Variants in RASSF6 observed in about 807,000 individuals in gnomAD.
The protein encoded by RASSF6 is ras association domain-containing protein 6.
RASSF6 carries 52 observed loss-of-function variants against 44.0 expected under a neutral mutation model. The observed-to-expected ratio is 1.18, with a 90% confidence interval of 0.95 to 1.49. The LOEUF is 1.49. Ranked by LOEUF, RASSF6 falls within the 40% of genes most tolerant of loss-of-function variation. The pLI, the probability that RASSF6 is intolerant of heterozygous loss-of-function variation, is 0.00. For synonymous variants in RASSF6, 162 were observed against 124.6 expected (o/e 1.30, Z -2.00); for missense variants, 464 against 393.3 (o/e 1.18, Z -1.52).
intron 1 of RASSF6, among the ~76,000 whole-genome samples, chr4:73,612,124 A>G (rs1726055936): frequency 6.6e-6 from 1 of 152,202 alleles, no homozygotes. Context: ...ATAAGGGAGC[A>G]TATTCCTTCT....
At chr4:73,604,884 C>CTTTTTTTTTTTTTTTTTTTTTTTTTTTTT (rs35609056) in intron 2 of RASSF6, among the ~76,000 whole-genome samples, 1 of 138,332 alleles carries the variant, frequency 7.2e-6, no homozygotes. Context: ...CATTTTCTTT[C>CTTTTTTTTTTTTTTTTTTTTTTTTTTTTT]TTTTTTTTTT....
chr4:73,613,434 T>C (rs529208218), intron 1 of RASSF6, among the ~76,000 whole-genome samples: 12 of 152,332 alleles, frequency 7.9e-5, no homozygotes, highest in Non-Finnish European at 1.6e-4. Context: ...TTCCTCCAGC[T>C]TCTCAAACTT....
chr4:73,573,752 T>C lies in RASSF6; in HGVS notation c.*2483A>G, dbSNP rs1478722891. The stretch of plus-strand genomic sequence containing the variant: ...TTTATTTATTTATTTTACTTTGTAC[T>C]TCGGTGGCATGTCAGTTATTATTTT... On this transcript the variant is annotated 3_prime_UTR_variant, in exon 11 of 11. Coordinates refer to ENST00000307439, the MANE Select transcript of RASSF6 (RefSeq NM_177532.5). The C allele has an allele frequency of 6.6e-6, 1 of 152,228 alleles. No homozygotes were observed. Among genetic ancestry groups the C allele is most frequent in the African/African-American group, 2.4e-5 (1 of 41,458 alleles). 9.4% of individuals were successfully genotyped at this position (152,228 alleles called of 1,614,324 possible). A position where few individuals can be genotyped will look rare whatever the true frequency, so the allele number is the denominator to read the frequency against.
chr4:73,620,149 G>C, intron 1 of RASSF6, 139 bp downstream of exon 1: 1 of 431,774 alleles, frequency 2.3e-6, no homozygotes, highest in Non-Finnish European at 4.0e-6. Context: ...AAAAGGAAAA[G>C]GCATGTGTGC....
rs936792177 is a variant in RASSF6, at chr4:73,571,832, C to T, written c.*4403G>A. On this transcript the variant is annotated 3_prime_UTR_variant, in exon 11 of 11. Transcript: ENST00000307439. ...TTAATTTGAGCTAATATATAACTGA[C>T]AATGAAATATTTGGACCACCTAAAA... is the stretch of plus-strand genomic sequence containing the variant. 2 of 151,978 alleles carry T rather than the reference C, an allele frequency of 1.3e-5. No individual in the cohort carries two copies. The highest frequency in any genetic ancestry group is 4.8e-5 in the African/African-American group (2 of 41,382). The allele number at this position is 151,978 out of a possible 1,614,324, so 9.4% of individuals were successfully genotyped here.
intron 1 of RASSF6, among the ~76,000 whole-genome samples, chr4:73,614,063 C>A (rs941505508): frequency 6.6e-6 from 1 of 152,206 alleles, no homozygotes; most frequent in African/African-American, 2.4e-5. Flanking sequence ...TCCTCCTCCA[C>A]AATTCTTTCC....
At position 73,593,584 on chromosome 4, in the gene RASSF6, C is replaced by A; in HGVS notation, c.154G>T (p.Gly52Cys). ...LHILYGETED[G>C]KLIVEGMLDI... ...AGCATTCCTTCAACAATTAGTTTGC[C>A]ATCTTCAGTCTAAGGAAGAAATGAA... Residue 52 changes from glycine (G) to cysteine (C), a missense_variant, in exon 4 of 11, where the codon GGC becomes TGC. By Grantham distance (159) the Gly-to-Cys change is radical. Coordinates refer to ENST00000307439, the MANE Select transcript of RASSF6 (RefSeq NM_177532.5). 3 of 1,612,960 alleles carry A rather than the reference C, an allele frequency of 1.9e-6. No individual in the cohort carries two copies. The highest frequency in any genetic ancestry group is 2.5e-6 in the Non-Finnish European group (3 of 1,179,470).
chr4:73,590,597 A>G (rs1296316626), intron 4 of RASSF6, among the ~76,000 whole-genome samples: 1 of 152,226 alleles, frequency 6.6e-6, no homozygotes. Context: ...TTAGGTGGCT[A>G]TGCACCCCAT....
rs1335990810 is a variant in RASSF6, at chr4:73,598,899, G to A, written c.66-181C>T. Among the ~76,000 whole-genome samples, 15 of 152,296 alleles carry A rather than the reference G, an allele frequency of 9.8e-5. 1 individual carries two copies. The East Asian group carries it at 2.5e-3, about 25-fold the overall frequency. On this transcript the variant is annotated intron_variant, in intron 2 of 10. Coordinates refer to ENST00000307439, the MANE Select transcript of RASSF6 (RefSeq NM_177532.5). ...AAGCATTCTTAAAATATCAGCAAATGTTGAAGTTGCTAATTCATAAATAAA... is the reference window on the plus strand; with the variant it reads ...AAGCATTCTTAAAATATCAGCAAATATTGAAGTTGCTAATTCATAAATAAA...
intron 2 of RASSF6, among the ~76,000 whole-genome samples, chr4:73,606,560 T>C (rs574649932): frequency 1.6e-4 from 24 of 152,272 alleles, no homozygotes; most frequent in African/African-American, 5.1e-4. Flanking sequence ...GGCTGGTACT[T>C]AGCTCATATT....
chr4:73,619,363 C>T (rs1455076171), intron 1 of RASSF6, among the ~76,000 whole-genome samples: 2 of 152,174 alleles, frequency 1.3e-5, no homozygotes. Context: ...GAGAGATGAT[C>T]CTAGCACACC....
intron 1 of RASSF6, among the ~76,000 whole-genome samples, chr4:73,619,535 A>C (rs758822915): frequency 6.6e-6 from 1 of 152,208 alleles, no homozygotes; most frequent in Non-Finnish European, 1.5e-5. Flanking sequence ...TATCACTTAC[A>C]GAACACTTGC....
intron 5 of RASSF6, among the ~76,000 whole-genome samples, chr4:73,585,720 G>C (rs1044127130): frequency 1.3e-5 from 2 of 151,912 alleles, no homozygotes; most frequent in African/African-American, 4.8e-5. Flanking sequence ...ACTTTATCAG[G>C]TTTGATCTCT....
intron 4 of RASSF6, among the ~76,000 whole-genome samples, chr4:73,589,697 T>TGAAA (rs1724379719): frequency 6.6e-6 from 1 of 152,142 alleles, no homozygotes; most frequent in Admixed American, 6.6e-5. Flanking sequence ...AGGGCAGTTA[T>TGAAA]CCAGAGTTTT....
chr4:73,593,962 GA>G (rs539425114), intron 3 of RASSF6, among the ~76,000 whole-genome samples: 2 of 152,076 alleles, frequency 1.3e-5, no homozygotes. Flanking sequence ...CTAGAAATTA[GA>G]AAAAAACATC....
chr4:73,613,837 C>T (rs1192329331), intron 1 of RASSF6, among the ~76,000 whole-genome samples: 3 of 152,148 alleles, frequency 2.0e-5, no homozygotes, highest in Middle Eastern at 3.2e-3. Context: ...TGTATGATCA[C>T]TAAATACTGG....
In RASSF6 at chr4:73,587,868, A is replaced by G. The variant is rs535507976; in HGVS notation, c.354T>C (p.Pro118=). ...CCTGGGAATTCCTTTTTTCAGACAT[A>G]GGAATCTGGGTCCTGTCCAGCTCAC... ...RISELDRTQI[P]MSEKRNSQED... The change falls in exon 5 of 11, where the codon CCT becomes CCC. Residue 118 remains proline, a synonymous_variant. Coordinates refer to ENST00000307439, the MANE Select transcript of RASSF6 (RefSeq NM_177532.5). 5.4e-5 allele frequency: 87 copies of G among 1,609,310 alleles called. 4 individuals are homozygous for G. The South Asian group carries it at 9.6e-4, about 18-fold the overall frequency.
intron 2 of RASSF6, among the ~76,000 whole-genome samples, chr4:73,602,724 A>G (rs1316618972): frequency 6.6e-6 from 1 of 152,236 alleles, no homozygotes; most frequent in Non-Finnish European, 1.5e-5. Context: ...AAAATGGGTG[A>G]TAAGAAATGG....
chr4:73,598,847 T>C, intron 2 of RASSF6, 129 bp from the exon 3 acceptor site: 2 of 486,140 alleles, frequency 4.1e-6, no homozygotes, highest in Non-Finnish European at 7.1e-6. Flanking sequence ...TCTGTCACTT[T>C]AACTTAACAT....
Sources: gnomAD v4.1 joint callset for allele counts (sites outside exome capture counted in the v4.1 genomes callset) on GRCh38, gnomAD v4.1.1 for gene constraint, MANE v1.5 for transcripts, NCBI Gene and HGNC (gene_info 2026-07-23, HGNC 2026-07-21) for gene names.